CACNA2D3: variants seen among roughly 807,000 people sequenced by gnomAD.
The protein encoded by CACNA2D3 is voltage-dependent calcium channel subunit alpha-2/delta-3.
A neutral mutation model predicts 160.6 loss-of-function variants in CACNA2D3; 60 were observed. The ratio of observed to expected loss-of-function variants is 0.37; its 90% CI spans 0.30 to 0.46. The LOEUF (loss-of-function observed/expected upper bound fraction) is 0.46. CACNA2D3 is among the 20% of genes least tolerant of loss of function. The pLI is 1.00. For synonymous variants in CACNA2D3, 558 were observed against 492.9 expected (o/e 1.13, Z -1.75); for missense variants, 1,205 against 1,365.0 (o/e 0.88, Z 1.85).
At chr3:55,055,005 A>G (rs977768794) in intron 35 of CACNA2D3, among the ~76,000 whole-genome samples, 15 of 152,218 alleles carry the variant, frequency 9.9e-5, no homozygotes, top group African/African-American at 3.6e-4. Flanking sequence ...TGTACTAGTT[A>G]GAACTGATAC....
chr3:54,122,951 T>G, intron 1 of CACNA2D3, 116 bp downstream of exon 1: 1 of 965,770 alleles, frequency 1.0e-6, no homozygotes, highest in Non-Finnish European at 1.3e-6. Flanking sequence ...GGCGTCGGCC[T>G]CGCCGCTCGC....
intron 34 of CACNA2D3, among the ~76,000 whole-genome samples, chr3:55,015,213 T>C (rs1290546076): frequency 2.0e-5 from 3 of 152,170 alleles, no homozygotes; most frequent in African/African-American, 7.2e-5. Flanking sequence ...TTTTTTTCAT[T>C]GGCTGAACTT....
At chr3:54,889,704 A>G (rs542043456) in intron 24 of CACNA2D3, among the ~76,000 whole-genome samples, 16 of 152,258 alleles carry the variant, frequency 1.1e-4, no homozygotes, top group African/African-American at 3.6e-4. Flanking sequence ...GGAGCCCCAG[A>G]GAGACTGCCA....
intron 18 of CACNA2D3, among the ~76,000 whole-genome samples, chr3:54,872,507 A>C (rs1484297563): frequency 6.6e-6 from 1 of 152,098 alleles, no homozygotes; most frequent in Non-Finnish European, 1.5e-5. Flanking sequence ...CTCTCACTGC[A>C]TCCTGCTCTC....
chr3:54,432,961 T>C (rs1172141874), intron 4 of CACNA2D3, among the ~76,000 whole-genome samples: 1 of 152,036 alleles, frequency 6.6e-6, no homozygotes, highest in Non-Finnish European at 1.5e-5. Flanking sequence ...CAAAAAAAAA[T>C]TAAGTGGTGG....
intron 2 of CACNA2D3, among the ~76,000 whole-genome samples, chr3:54,132,197 C>T (rs193229588): frequency 6.6e-5 from 10 of 152,314 alleles, no homozygotes; most frequent in Admixed American, 1.3e-4. Flanking sequence ...TTCTGGAATG[C>T]TAATGCTACG....
intron 27 of CACNA2D3, among the ~76,000 whole-genome samples, chr3:54,965,951 A>G (rs1702139501): frequency 6.6e-6 from 1 of 152,282 alleles, no homozygotes; most frequent in Non-Finnish European, 1.5e-5. Flanking sequence ...AGCAGCCTGC[A>G]TGATTAATGG....
chr3:54,794,153 T>G (rs959780736), intron 13 of CACNA2D3, among the ~76,000 whole-genome samples: 7 of 152,160 alleles, frequency 4.6e-5, no homozygotes, highest in African/African-American at 1.7e-4. Context: ...TATGTTTTTA[T>G]TCTTTTTCTA....
At chr3:54,342,850 A>G (rs1698383645) in intron 3 of CACNA2D3, among the ~76,000 whole-genome samples, 1 of 152,208 alleles carries the variant, frequency 6.6e-6, no homozygotes, top group African/African-American at 2.4e-5. Context: ...ACCCAGCCAT[A>G]GCTCTCGGGC....
At chr3:54,469,277 A>C (rs2106868932) in intron 4 of CACNA2D3, among the ~76,000 whole-genome samples, 1 of 152,342 alleles carries the variant, frequency 6.6e-6, no homozygotes, top group African/African-American at 2.4e-5. Flanking sequence ...GGTGATACCC[A>C]GGCAAACAGG....
At position 54,878,497 on chromosome 3, in the gene CACNA2D3, C is replaced by T. The variant is rs545067236; in HGVS notation, c.1711-521C>T. 4.7e-4 allele frequency among the ~76,000 whole-genome samples: 72 copies of T among 152,124 alleles called. 4 individuals are homozygous for T. In the South Asian group the frequency reaches 0.015, roughly 31 times the overall value. On this transcript the variant is annotated intron_variant, in intron 18 of 37. Coordinates refer to ENST00000474759, the MANE Select transcript of CACNA2D3 (RefSeq NM_018398.3). ...CCTCATCAGCAAGGTCATTAATTGG[C>T]CCAGATTTCTCAGAGAGCATTTAAA...
chr3:54,339,397 A>G (rs1303451294), intron 3 of CACNA2D3, among the ~76,000 whole-genome samples: 4 of 150,542 alleles, frequency 2.7e-5, no homozygotes, highest in African/African-American at 9.8e-5. Flanking sequence ...TACCCCCTTC[A>G]CCCCTAACAC....
chr3:54,993,752 A>G (rs1414178521), intron 31 of CACNA2D3, among the ~76,000 whole-genome samples: 2 of 152,018 alleles, frequency 1.3e-5, no homozygotes, highest in East Asian at 3.9e-4. Context: ...AGACCAATGG[A>G]GCACACCTGG....
chr3:54,134,129 G>A (rs1699771020), intron 2 of CACNA2D3, among the ~76,000 whole-genome samples: 2 of 151,736 alleles, frequency 1.3e-5, no homozygotes, highest in South Asian at 2.1e-4. Flanking sequence ...CTGTACAATC[G>A]ACAGCTAGCT....
chr3:54,145,951 T>C (rs1417210012), intron 2 of CACNA2D3, among the ~76,000 whole-genome samples: 4 of 152,246 alleles, frequency 2.6e-5, no homozygotes, highest in Admixed American at 2.6e-4. Context: ...TTGTCTTTTT[T>C]TCACCTACTT....
At chr3:54,783,408 C>G (rs1442866276) in intron 13 of CACNA2D3, among the ~76,000 whole-genome samples, 1 of 152,078 alleles carries the variant, frequency 6.6e-6, no homozygotes, top group Non-Finnish European at 1.5e-5. Context: ...GAGTTCAAAA[C>G]CAGCCTGGCC....
chr3:54,579,696 T>C (rs1439265333), intron 8 of CACNA2D3, among the ~76,000 whole-genome samples: 1 of 152,154 alleles, frequency 6.6e-6, no homozygotes, highest in African/African-American at 2.4e-5. Context: ...GGGGACTGGC[T>C]GTTTTCTCAG....
intron 5 of CACNA2D3, among the ~76,000 whole-genome samples, chr3:54,542,034 G>A (rs978046002): frequency 1.3e-5 from 2 of 151,230 alleles, no homozygotes; most frequent in African/African-American, 2.4e-5. Context: ...TATGATATAT[G>A]TATATGTGAA....
At chr3:54,987,900 G>C (rs1005462975) in intron 31 of CACNA2D3, 147 bp downstream of exon 31, 9 of 587,670 alleles carry the variant, frequency 1.5e-5, no homozygotes, top group South Asian at 2.3e-5. Flanking sequence ...TCTGAAATTC[G>C]ATGCCTCTTG....
Sources: gnomAD v4.1 joint callset for allele counts (sites outside exome capture counted in the v4.1 genomes callset) on GRCh38, gnomAD v4.1.1 for gene constraint, MANE v1.5 for transcripts, NCBI Gene and HGNC (gene_info 2026-07-23, HGNC 2026-07-21) for gene names.